The following PTK2B variants were observed in gnomAD, a reference collection of about 807,000 sequenced individuals.
PTK2B encodes the protein protein-tyrosine kinase 2-beta.
Under a neutral mutation model 142.9 loss-of-function variants are expected in PTK2B, and 71 were observed. The ratio of observed to expected loss-of-function variants is 0.50; its 90% CI spans 0.41 to 0.61. The LOEUF (loss-of-function observed/expected upper bound fraction) is 0.61, where lower values mean the gene tolerates loss of function less well. Among genes scored for constraint, PTK2B ranks in the 20% least tolerant of loss-of-function variants. The pLI, the probability that PTK2B is intolerant of heterozygous loss-of-function variation, is 0.00. For missense variants in PTK2B, 1,105 were observed against 1,320.4 expected (o/e 0.84, Z 2.53); for synonymous variants, 519 against 503.4 (o/e 1.03, Z -0.42).
chr8:27,386,324 C>T (rs926094709), intron 1 of PTK2B, among the ~76,000 whole-genome samples: 12 of 152,160 alleles, frequency 7.9e-5, no homozygotes, highest in African/African-American at 1.9e-4. Context: ...TGTTTCCCAA[C>T]GTTGGGTAGC....
chr8:27,433,566 AAAG>A lies in PTK2B; in HGVS notation c.1105+15_1105+17del. On this transcript the variant is annotated intron_variant, in intron 11 of 30. Transcript: ENST00000346049. ...ATCCTAGGAAAGGTGGGTTCCATTT[AAAG>A]GTAAAGTGGCTGGACCACGGGTGGC... 1.2e-6 allele frequency: 2 copies of A among 1,608,298 alleles called. No individual in the cohort carries two copies. The highest frequency in any genetic ancestry group is 1.7e-5 in the Admixed American group (1 of 59,962).
chr8:27,399,219 CAG>C (rs769617618), intron 2 of PTK2B, among the ~76,000 whole-genome samples: 4 of 152,172 alleles, frequency 2.6e-5, no homozygotes, highest in Admixed American at 1.3e-4. Flanking sequence ...TGCTGAAAAA[CAG>C]AGAGCAGCAG....
In PTK2B at chr8:27,451,553, T is replaced by C. The variant is rs777904337; in HGVS notation, c.2548+44T>C. 3 of 1,613,618 alleles carry C rather than the reference T, an allele frequency of 1.9e-6. 1 individual carries two copies. The South Asian group carries it at 3.3e-5, about 18-fold the overall frequency. On this transcript the variant is annotated intron_variant, in intron 27 of 30. Transcript: ENST00000346049. ...CTTCGGGGGGTTTCCTCTTGGCACCTTGTGCAGAGCCACCATCCTTGCCCA... is the reference window on the plus strand; with the variant it reads ...CTTCGGGGGGTTTCCTCTTGGCACCCTGTGCAGAGCCACCATCCTTGCCCA...
chr8:27,407,273 C>T (rs1268003217), intron 2 of PTK2B, among the ~76,000 whole-genome samples: 1 of 152,204 alleles, frequency 6.6e-6, no homozygotes, highest in Non-Finnish European at 1.5e-5. Context: ...AGCCTGCTAT[C>T]CAGGCCCTGG....
At chr8:27,369,396 G>A (rs961242401) in intron 1 of PTK2B, among the ~76,000 whole-genome samples, 8 of 152,204 alleles carry the variant, frequency 5.3e-5, no homozygotes, top group African/African-American at 1.9e-4. Flanking sequence ...AAGGCTTAGT[G>A]TGGTGACTCA....
At chr8:27,420,820 G>C (rs1248798476) in intron 4 of PTK2B, 76 bp downstream of exon 4, 1 of 1,355,098 alleles carries the variant, frequency 7.4e-7, no homozygotes, top group African/African-American at 1.4e-5. Context: ...TTCTCTCCTA[G>C]GGAGATGGAA....
At chr8:27,428,384 C>T (rs764068393) in intron 5 of PTK2B, among the ~76,000 whole-genome samples, 1 of 152,250 alleles carries the variant, frequency 6.6e-6, no homozygotes, top group Non-Finnish European at 1.5e-5. Context: ...TCCTATCTGC[C>T]AGTCTTCTGG....
At chr8:27,399,432 A>G (rs1808246928) in intron 2 of PTK2B, among the ~76,000 whole-genome samples, 1 of 152,256 alleles carries the variant, frequency 6.6e-6, no homozygotes, top group Non-Finnish European at 1.5e-5. Context: ...AAAGTATCTA[A>G]AATCAAGATC....
At chr8:27,380,780 G>C (rs940272951) in intron 1 of PTK2B, 1 of 152,212 alleles carries the variant, frequency 6.6e-6, no homozygotes, top group Non-Finnish European at 1.5e-5. Flanking sequence ...CAGTGGAGAG[G>C]CCTCACCATG....
intron 2 of PTK2B, among the ~76,000 whole-genome samples, chr8:27,411,288 G>T (rs1256482341): frequency 6.6e-6 from 1 of 152,126 alleles, no homozygotes; most frequent in African/African-American, 2.4e-5. Context: ...GAGGATTCAG[G>T]CTGAGGAAGG....
At chr8:27,458,185 A>G (rs1289051588) in intron 30 of PTK2B, 109 bp from the exon 31 acceptor site, 13 of 1,098,752 alleles carry the variant, frequency 1.2e-5, no homozygotes, top group Non-Finnish European at 1.7e-5. Context: ...GCTTCCAGGG[A>G]ACTTCTGATT....
At chr8:27,407,102 A>G (rs767584763) in intron 2 of PTK2B, among the ~76,000 whole-genome samples, 31 of 152,156 alleles carry the variant, frequency 2.0e-4, no homozygotes, top group South Asian at 4.1e-4. Context: ...TTTTAACAGA[A>G]CATTTTTATT....
intron 13 of PTK2B, among the ~76,000 whole-genome samples, chr8:27,435,327 A>G (rs990201642): frequency 6.6e-6 from 1 of 152,194 alleles, no homozygotes; most frequent in African/African-American, 2.4e-5. Context: ...ACCACCTCCC[A>G]AAGGCCCCAC....
rs2130812054 is a variant in PTK2B at position 27,363,990 on chromosome 8, G to A, written c.-37-33558G>A. ...CAGCTCCCCCAAGTTAAGAGCCTGT[G>A]TATCAGCTGAGTCCCAGGGCCTGGG... is the stretch of plus-strand genomic sequence containing the variant. On this transcript the variant is annotated intron_variant, in intron 1 of 30. Coordinates refer to ENST00000346049, the MANE Select transcript of PTK2B (RefSeq NM_173176.3). This position sits in a 1 kb window ranked among gnomAD's most constrained non-coding sequence, Gnocchi z 4.3. 6.6e-6 allele frequency among the ~76,000 whole-genome samples: 1 copy of A among 152,262 alleles called. No individual in the cohort carries two copies. Among genetic ancestry groups the A allele is most frequent in the East Asian group, 1.9e-4 (1 of 5,170 alleles).
chr8:27,357,161 A>G (rs1238163537), intron 1 of PTK2B, among the ~76,000 whole-genome samples: 1 of 152,254 alleles, frequency 6.6e-6, no homozygotes. Flanking sequence ...TTATTATTCT[A>G]CAAGGTGTTC....
intron 1 of PTK2B, among the ~76,000 whole-genome samples, chr8:27,385,118 C>T (rs1807266429): frequency 1.3e-5 from 2 of 152,116 alleles, no homozygotes; most frequent in South Asian, 4.2e-4. Context: ...TCGGAGACCT[C>T]ATCCATGGGA....
chr8:27,447,604 A>G (rs993404162), intron 24 of PTK2B, among the ~76,000 whole-genome samples: 1 of 152,212 alleles, frequency 6.6e-6, no homozygotes, highest in Non-Finnish European at 1.5e-5. Context: ...CACGCCTGTA[A>G]TCCCAGCATT....
intron 3 of PTK2B, among the ~76,000 whole-genome samples, chr8:27,315,502 C>T (rs927828145): frequency 6.6e-5 from 10 of 152,180 alleles, no homozygotes; most frequent in African/African-American, 2.4e-4. Flanking sequence ...AACGCAGAGA[C>T]TCTTACGTCG....
At chr8:27,367,304 G>T (rs1292575942) in intron 1 of PTK2B, among the ~76,000 whole-genome samples, 1 of 152,224 alleles carries the variant, frequency 6.6e-6, no homozygotes, top group East Asian at 1.9e-4. Flanking sequence ...CCTCCTGTGG[G>T]CATGGTGGCA....
Sources: gnomAD v4.1 joint callset for allele counts (sites outside exome capture counted in the v4.1 genomes callset) on GRCh38, gnomAD v4.1.1 for gene constraint, Gnocchi (gnomAD v3.1) non-coding constraint, MANE v1.5 for transcripts, NCBI Gene and HGNC (gene_info 2026-07-23, HGNC 2026-07-21) for gene names.